The following TAT variants were observed in gnomAD, a reference collection of about 807,000 sequenced individuals.
TAT encodes the protein tyrosine aminotransferase.
In TAT, 35 loss-of-function variants were observed where a neutral mutation model predicts 53.6. The observed-to-expected ratio is 0.65, with a 90% confidence interval of 0.50 to 0.87. The LOEUF is 0.87. Ranked by LOEUF, TAT falls within the 40% of genes least tolerant of loss-of-function variation. TAT has a pLI of 0.00. For missense variants in TAT, 525 were observed against 571.8 expected (o/e 0.92, Z 0.83); for synonymous variants, 197 against 206.5 (o/e 0.95, Z 0.39).
intron 10 of TAT, among the ~76,000 whole-genome samples, chr16:71,569,600 C>A (rs1418206629): frequency 6.6e-6 from 1 of 152,238 alleles, no homozygotes; most frequent in Non-Finnish European, 1.5e-5. Context: ...CTTGGCCTCC[C>A]AAAGTGCTGG....
chr16:71,576,185 G>T lies in TAT; in HGVS notation c.231C>A (p.Ser77=), dbSNP rs562235592. 15 of 1,613,838 alleles carry T rather than the reference G, an allele frequency of 9.3e-6. 1 individual carries two copies. The Admixed American group carries it at 2.0e-4, about 22-fold the overall frequency. The stretch of plus-strand genomic sequence containing the variant: ...TCAGTAGTGTCCCCAACTCACCAAT[G>T]GACAGGGAAATCATGGTTTTGTTTG... The part of the protein sequence containing the change: ...PNPNKTMISL[S]IGDPTVFGNL... Residue 77 remains serine, a synonymous_variant, in exon 2 of 12, where the codon TCC becomes TCA. Transcript: ENST00000355962.
rs746015147 is a variant in TAT at position 71,569,844 on chromosome 16, A to G, written c.1125+10T>C. The G allele has an allele frequency of 8.7e-6, 14 of 1,612,846 alleles. No homozygotes were observed. Among genetic ancestry groups the G allele is most frequent in the Non-Finnish European group, 1.2e-5 (14 of 1,179,528 alleles). On this transcript the variant is annotated intron_variant, in intron 10 of 11. Transcript: ENST00000355962. ...TGCATTGACCTAGTGCCTGCCACCC[A>G]CATACTCACCATGAGGTACATAGCC... is the stretch of plus-strand genomic sequence containing the variant.
chr16:71,573,079 G>C (rs1278141531), intron 4 of TAT, among the ~76,000 whole-genome samples: 1 of 152,150 alleles, frequency 6.6e-6, no homozygotes, highest in Non-Finnish European at 1.5e-5. Flanking sequence ...TAGAGGGAAG[G>C]ACATCATTTA....
intron 5 of TAT, 65 bp from the exon 6 acceptor site, chr16:71,572,389 C>A: frequency 1.2e-6 from 2 of 1,610,130 alleles, no homozygotes. Context: ...CCTCACTTAT[C>A]TCAAGGGTCC....
chr16:71,570,786 C>G lies in TAT; in HGVS notation c.805G>C (p.Asp269His). 6.2e-7 allele frequency: 1 copy of G among 1,614,168 alleles called. No homozygotes were observed. Among genetic ancestry groups the G allele is most frequent in the Non-Finnish European group, 8.5e-7 (1 of 1,180,028 alleles). ...KYEPLATLST[D>H]VPILSCGGLA... is the part of the protein sequence containing the mutation. Reference sequence around the variant, plus strand: ...CCTCCACAGGACAGGATGGGGACATCGGTGCTGAGGGTGGCCAGTGGTTCA... The same window carrying G: ...CCTCCACAGGACAGGATGGGGACATGGGTGCTGAGGGTGGCCAGTGGTTCA... The change falls in exon 8 of 12, where the codon GAT becomes CAT. Residue 269 changes from aspartate to histidine, a missense_variant. By Grantham distance (81) the Asp-to-His change is moderately conservative. Transcript: ENST00000355962.
intron 4 of TAT, among the ~76,000 whole-genome samples, 180 bp downstream of exon 4, chr16:71,573,359 A>T (rs766773008): frequency 1.1e-4 from 17 of 152,204 alleles, no homozygotes; most frequent in Non-Finnish European, 1.8e-4. Context: ...CACTGTAATG[A>T]CATTAACTAT....
rs1380324419 is a variant in TAT, at chr16:71,567,823, T to A, written c.*321A>T. ...TCCCTCATCCTGAGCTCTTATTTTC[T>A]TGTCTCAACTGCTTTCTGGTAAACT... On this transcript the variant is annotated 3_prime_UTR_variant, in exon 12 of 12. Coordinates refer to ENST00000355962, the MANE Select transcript of TAT (RefSeq NM_000353.3). The A allele has an allele frequency of 5.5e-6, 2 of 366,924 alleles. No homozygotes were observed. The highest frequency in any genetic ancestry group is 1.0e-5 in the Non-Finnish European group (2 of 192,520). 22.7% of individuals were successfully genotyped at this position (366,924 alleles called of 1,614,324 possible).
intron 2 of TAT, 50 bp downstream of exon 2, chr16:71,576,131 T>A (rs778247040): frequency 1.9e-6 from 3 of 1,600,390 alleles, no homozygotes; most frequent in Non-Finnish European, 2.6e-6. Context: ...CCTGTGAACA[T>A]GAGAGTAGAG....
At chr16:71,569,001 A>G (rs2044182595) in intron 10 of TAT, among the ~76,000 whole-genome samples, 192 bp from the exon 11 acceptor site, 1 of 152,226 alleles carries the variant, frequency 6.6e-6, no homozygotes, top group Non-Finnish European at 1.5e-5. Context: ...ATTAATAAAT[A>G]TTAAAGAGTT....
Position 71,575,400 on chromosome 16 carries a change from C to G in TAT, c.340+522G>C, listed in dbSNP as rs184256944. On this transcript the variant is annotated intron_variant, in intron 3 of 11. Coordinates refer to ENST00000355962, the MANE Select transcript of TAT (RefSeq NM_000353.3). ...ACCTTCTATCCTTCAGTTTGACAGC[C>G]CATTTTTTGTTGTTCTTGGGTGTTT... is the stretch of plus-strand genomic sequence containing the variant. The G allele has an allele frequency of 7.2e-3, 1,129 of 156,756 alleles. 8 individuals are homozygous for G. The highest frequency in any genetic ancestry group is 0.011 in the Non-Finnish European group (787 of 70,574). 9.7% of individuals were successfully genotyped at this position (156,756 alleles called of 1,614,324 possible).
intron 9 of TAT, 28 bp from the exon 10 acceptor site, chr16:71,569,965 G>A: frequency 1.9e-6 from 3 of 1,599,860 alleles, no homozygotes; most frequent in Admixed American, 1.7e-5. Context: ...GAGAAATCAA[G>A]GATCAAAATT....
chr16:71,569,493 C>T (rs1375970740), intron 10 of TAT, among the ~76,000 whole-genome samples: 3 of 152,128 alleles, frequency 2.0e-5, no homozygotes, highest in African/African-American at 2.4e-5. Context: ...TGTGCCACCA[C>T]GCCCAGCTCA....
At chr16:71,575,785 A>C (rs2044230867) in intron 3 of TAT, 137 bp downstream of exon 3, 1 of 980,190 alleles carries the variant, frequency 1.0e-6, no homozygotes, top group African/African-American at 1.6e-5. Context: ...TCCCAAATCC[A>C]AAGGACCATG....
At chr16:71,574,977 T>C (rs1376981160) in intron 3 of TAT, 1 of 152,214 alleles carries the variant, frequency 6.6e-6, no homozygotes, top group East Asian at 1.9e-4. Context: ...TTCAGAACCT[T>C]TGAACATTTG....
chr16:71,568,335 A>G (rs753165924), intron 11 of TAT, 51 bp from the exon 12 acceptor site: 2 of 1,602,210 alleles, frequency 1.2e-6, no homozygotes, highest in South Asian at 2.2e-5. Flanking sequence ...CTGGTACTGG[A>G]CCACCCTAAA....
Position 71,566,402 on chromosome 16 carries a change from G to C in TAT, c.*1742C>G, listed in dbSNP as rs2044162933. 1 of 149,714 alleles carries C rather than the reference G, an allele frequency of 6.7e-6. No individual in the cohort carries two copies. The highest frequency in any genetic ancestry group is 2.1e-4 in the South Asian group (1 of 4,754). The allele number at this position is 149,714 out of a possible 1,614,324, so 9.3% of individuals were successfully genotyped here. A position where few individuals can be genotyped will look rare whatever the true frequency, so the allele number is the denominator to read the frequency against. Reference sequence around the variant, plus strand: ...CCCCCAACCTTGAAAGGTAACTTAAGGCTCCCTCCTCTAAGGGAAGGGCTG... The same window carrying C: ...CCCCCAACCTTGAAAGGTAACTTAACGCTCCCTCCTCTAAGGGAAGGGCTG... On this transcript the variant is annotated 3_prime_UTR_variant, in exon 12 of 12. Transcript: ENST00000355962.
intron 8 of TAT, 21 bp from the exon 9 acceptor site, chr16:71,570,418 A>T: frequency 6.2e-7 from 1 of 1,614,082 alleles, no homozygotes; most frequent in East Asian, 2.2e-5. Flanking sequence ...CCCACAAGAA[A>T]CATGTTGTTT....
intron 6 of TAT, 44 bp downstream of exon 6, chr16:71,572,142 G>A (rs1343097362): frequency 6.2e-7 from 1 of 1,613,618 alleles, no homozygotes. Flanking sequence ...ACAGCTGAAG[G>A]ATTCTGTCCC....
Position 71,572,614 on chromosome 16 carries a change from G to A in TAT, c.483C>T (p.Asn161=), listed in dbSNP as rs1466419340. The change falls in exon 5 of 12, where the codon AAC becomes AAT. Residue 161 remains asparagine, a synonymous_variant. Coordinates refer to ENST00000355962, the MANE Select transcript of TAT (RefSeq NM_000353.3). The part of the protein sequence containing the change: ...CLAVLANPGQ[N]ILVPRPGFSL... ...AGAAACCAGGTCTTGGAACCAGGAT[G>A]TTTTGCCCTGGGTTGGCCAACACAG... 3.7e-6 allele frequency: 6 copies of A among 1,614,220 alleles called. No homozygotes were observed. The highest frequency in any genetic ancestry group is 5.1e-6 in the Non-Finnish European group (6 of 1,180,032).
Sources: allele counts gnomAD v4.1 joint callset (sites outside exome capture counted in the v4.1 genomes callset), GRCh38; gene constraint gnomAD v4.1.1; transcripts MANE v1.5; gene names NCBI Gene and HGNC (gene_info 2026-07-23, HGNC 2026-07-21).